Variants in DENND1A observed in about 807,000 individuals in gnomAD.
DENND1A encodes the protein DENN domain containing 1A.
Under a neutral mutation model 113.7 loss-of-function variants are expected in DENND1A, and 51 were observed. The observed-to-expected ratio is 0.45, with a 90% CI of 0.36 to 0.57. The LOEUF is 0.57. Ranked by LOEUF, DENND1A falls within the 20% of genes least tolerant of loss-of-function variation. DENND1A has a pLI of 0.00. For synonymous variants in DENND1A, 565 were observed against 570.8 expected, an observed-to-expected ratio of 0.99 and a Z score of 0.14; for missense variants, 1,258 against 1,395.9, an observed-to-expected ratio of 0.90 and a Z score of 1.57.
intron 2 of DENND1A, among the ~76,000 whole-genome samples, chr9:123,874,301 G>A (rs1207041534): frequency 6.6e-6 from 1 of 151,602 alleles, no homozygotes; most frequent in East Asian, 1.9e-4. Context: ...AGAAGTTTTG[G>A]TCAAAGATAC....
chr9:123,417,237 C>T (rs2044807833), intron 19 of DENND1A, among the ~76,000 whole-genome samples: 1 of 152,206 alleles, frequency 6.6e-6, no homozygotes, highest in Admixed American at 6.5e-5. Context: ...CCCCATGGTA[C>T]CCACAGGTCT....
At chr9:123,836,399 T>C (rs1841056599) in intron 2 of DENND1A, among the ~76,000 whole-genome samples, 1 of 152,196 alleles carries the variant, frequency 6.6e-6, no homozygotes, top group African/African-American at 2.4e-5. Flanking sequence ...ACTATGGGTA[T>C]TTTATTCACC....
chr9:123,751,415 C>A (rs192066235), intron 5 of DENND1A: 1 of 152,112 alleles, frequency 6.6e-6, no homozygotes. Context: ...AAAAAAACCC[C>A]CTGCAGTTGA....
chr9:123,548,269 T>C (rs918668097), intron 13 of DENND1A, among the ~76,000 whole-genome samples: 14 of 152,172 alleles, frequency 9.2e-5, no homozygotes, highest in Non-Finnish European at 2.1e-4. Flanking sequence ...AAATGTTAAT[T>C]AGCAAGTTAC....
chr9:123,909,687 T>A (rs1292638169), intron 1 of DENND1A, among the ~76,000 whole-genome samples: 1 of 151,888 alleles, frequency 6.6e-6, no homozygotes, highest in Non-Finnish European at 1.5e-5. Flanking sequence ...ATATCAGAGG[T>A]CTTACCCAGT....
In DENND1A at chr9:123,789,983, T is replaced by TTGTG. The variant is rs34530449; in HGVS notation, c.132+2600_132+2603dup. ...TGAGAAAAACTGGGGGAGGGGGAAT[T>TTGTG]TGTGTGTGTGTGTGTGTGTGTCTGT... is the stretch of plus-strand genomic sequence containing the variant. On this transcript the variant is annotated intron_variant, in intron 3 of 23. Transcript: ENST00000394215. Among the ~76,000 whole-genome samples, 28 of 149,990 alleles carry TTGTG rather than the reference T, an allele frequency of 1.9e-4. No homozygotes were observed. In the East Asian group the frequency reaches 2.0e-3, roughly 11 times the overall value.
Position 123,928,047 on chromosome 9 carries a change from C to T in DENND1A, c.17+1842G>A, listed in dbSNP as rs561492989. On this transcript the variant is annotated intron_variant, in intron 1 of 23. Coordinates refer to ENST00000394215, the MANE Select transcript of DENND1A (RefSeq NM_001352964.2). ...ATTTCCCAAGCCTAAGTTTTTATCA[C>T]AGAGTAGTCTAGTTTCAAGATCAAT... Among the ~76,000 whole-genome samples the T allele has an allele frequency of 1.2e-4, 19 of 152,362 alleles. No homozygotes were observed. The South Asian group carries it at 3.9e-3, about 32-fold the overall frequency.
intron 13 of DENND1A, among the ~76,000 whole-genome samples, chr9:123,488,602 C>A (rs993235840): frequency 1.3e-5 from 2 of 152,206 alleles, no homozygotes; most frequent in African/African-American, 4.8e-5. Context: ...CTGTAAGAGA[C>A]CCTCTGTGAG....
chr9:123,758,647 A>G (rs1333640062), intron 4 of DENND1A, among the ~76,000 whole-genome samples: 1 of 152,240 alleles, frequency 6.6e-6, no homozygotes, highest in Non-Finnish European at 1.5e-5. Context: ...GGTGTTTTCT[A>G]AGAAATGGAA....
chr9:123,382,012 A>T lies in DENND1A; in HGVS notation c.2633T>A (p.Phe878Tyr). The T allele has an allele frequency of 7.2e-7, 1 of 1,389,130 alleles. No homozygotes were observed. The highest frequency in any genetic ancestry group is 9.4e-7 in the Non-Finnish European group (1 of 1,065,932). The allele number at this position is 1,389,130 out of a possible 1,614,324, so 86.1% of individuals were successfully genotyped here. The change falls in exon 24 of 24, where the codon TTC (phenylalanine) becomes TAC (tyrosine). Residue 878 changes from phenylalanine (F) to tyrosine (Y), a missense_variant. Around this residue, in one of 2 missense-constraint regions of DENND1A, gnomAD observed 1,159 missense variants for 1,231.7 expected, o/e 0.94. Coordinates refer to ENST00000394215, the MANE Select transcript of DENND1A (RefSeq NM_001352964.2). ...VATPFTPQFS[F>Y]PPAGTPTPFP... ...TGGGGTGGGTGTCCCTGCAGGGGGG[A>T]AGCTGAATTGGGGGGTGAATGGGGT...
intron 2 of DENND1A, among the ~76,000 whole-genome samples, chr9:123,848,156 T>C (rs979760757): frequency 7.2e-6 from 1 of 139,000 alleles, no homozygotes; most frequent in Admixed American, 8.1e-5. Context: ...TAAATAAACA[T>C]GCAAAAATTT....
At chr9:123,683,027 G>A (rs766902039) in intron 5 of DENND1A, among the ~76,000 whole-genome samples, 1 of 124,746 alleles carries the variant, frequency 8.0e-6, no homozygotes, top group Non-Finnish European at 1.6e-5. Flanking sequence ...CAGACAATAC[G>A]TCCCCTATCC....
intron 2 of DENND1A, among the ~76,000 whole-genome samples, chr9:123,808,327 C>G (rs1835950870): frequency 6.6e-6 from 1 of 151,932 alleles, no homozygotes; most frequent in African/African-American, 2.4e-5. Context: ...TCAAAGTCAC[C>G]TGATGGGCTT....
chr9:123,432,742 A>G (rs1347344564), intron 19 of DENND1A, among the ~76,000 whole-genome samples: 1 of 152,226 alleles, frequency 6.6e-6, no homozygotes, highest in African/African-American at 2.4e-5. Context: ...GTAGACCGCA[A>G]TGCCCACCAC....
intron 19 of DENND1A, among the ~76,000 whole-genome samples, chr9:123,412,349 G>A (rs534023254): frequency 6.6e-6 from 1 of 152,348 alleles, no homozygotes; most frequent in Non-Finnish European, 1.5e-5. Flanking sequence ...TGCTCCGGCT[G>A]GACTGGCCTG....
intron 8 of DENND1A, among the ~76,000 whole-genome samples, chr9:123,656,215 C>T (rs1215095822): frequency 6.6e-6 from 1 of 151,608 alleles, no homozygotes; most frequent in Non-Finnish European, 1.5e-5. Context: ...GGGAGAGGAG[C>T]GCACACGCAG....
intron 10 of DENND1A, among the ~76,000 whole-genome samples, chr9:123,615,007 G>A (rs939451607): frequency 3.9e-5 from 6 of 152,166 alleles, no homozygotes; most frequent in African/African-American, 1.4e-4. Context: ...ACAAGAGAAC[G>A]GGAAAAAGAA....
chr9:123,454,894 C>A, intron 15 of DENND1A, 115 bp from the exon 16 acceptor site: 1 of 945,780 alleles, frequency 1.1e-6, no homozygotes, highest in Non-Finnish European at 1.6e-6. Flanking sequence ...GTCTCCCAGA[C>A]TGGAGTGCAG....
At chr9:123,914,493 C>G (rs541964626) in intron 1 of DENND1A, among the ~76,000 whole-genome samples, 2 of 142,548 alleles carry the variant, frequency 1.4e-5, no homozygotes, top group Admixed American at 7.2e-5. Context: ...TGCAATAAGC[C>G]GAGATCGCGC....
Sources: gnomAD v4.1 joint callset for allele counts (sites outside exome capture counted in the v4.1 genomes callset) on GRCh38, gnomAD v4.1.1 for gene constraint, gnomAD v4.1.1 regional missense constraint, MANE v1.5 for transcripts, NCBI Gene and HGNC (gene_info 2026-07-23, HGNC 2026-07-21) for gene names.